The following ZFAT variants were observed in gnomAD, a reference collection of about 807,000 sequenced individuals.
The protein encoded by ZFAT is zinc finger protein ZFAT.
In ZFAT, 64 loss-of-function variants were observed where a neutral mutation model predicts 117.7. The ratio of observed to expected loss-of-function variants is 0.54; its 90% CI spans 0.44 to 0.67. The LOEUF is 0.67. Among genes scored for constraint, ZFAT ranks in the 30% least tolerant of loss-of-function variants. ZFAT has a pLI of 0.00. For missense variants in ZFAT, 1,433 were observed against 1,584.5 expected (o/e 0.90, Z 1.62); for synonymous variants, 679 against 615.0 (o/e 1.10, Z -1.54).
chr8:134,705,707 T>C (rs1291745866), intron 1 of ZFAT, among the ~76,000 whole-genome samples: 3 of 151,928 alleles, frequency 2.0e-5, no homozygotes, highest in Non-Finnish European at 2.9e-5. Flanking sequence ...TTTTTTTTTT[T>C]TTCTAAGTTT....
At chr8:134,623,638 C>T (rs1167699441) in intron 3 of ZFAT, among the ~76,000 whole-genome samples, 2 of 152,158 alleles carry the variant, frequency 1.3e-5, no homozygotes, top group Non-Finnish European at 2.9e-5. Context: ...CACAATATGT[C>T]CCCTTATTTC....
rs961685906 is a variant in ZFAT, at chr8:134,637,432, G to A, written c.448+29C>T. The A allele has an allele frequency of 2.5e-6, 4 of 1,588,762 alleles. No homozygotes were observed. The African/African-American group carries it at 5.4e-5, about 21-fold the overall frequency. ...CAGATACACCTCTTCATAAGAAATT[G>A]ACATGTTCAGCCCTTTGGCAGCATT... On this transcript the variant is annotated intron_variant, in intron 3 of 15. Coordinates refer to ENST00000377838, the MANE Select transcript of ZFAT (RefSeq NM_020863.4).
At chr8:134,804,576 A>T in the ZFAT span, among the ~76,000 whole-genome samples, 1 of 152,194 alleles carries the variant, frequency 6.6e-6, no homozygotes, top group African/African-American at 2.4e-5. Flanking sequence ...ACTCCAGCCT[A>T]CTTGGAAAGG....
chr8:134,573,279 G>A (rs375308290), intron 10 of ZFAT, among the ~76,000 whole-genome samples: 7 of 152,026 alleles, frequency 4.6e-5, no homozygotes, highest in African/African-American at 9.7e-5. Flanking sequence ...GTGTGTGTAC[G>A]TGTTACTTTA....
At chr8:134,816,942 C>T in the ZFAT span, among the ~76,000 whole-genome samples, 3 of 150,654 alleles carry the variant, frequency 2.0e-5, no homozygotes, top group Non-Finnish European at 4.4e-5. Context: ...GATCATGCCA[C>T]CGCACTCCTG....
chr8:134,553,549 A>T lies in ZFAT; in HGVS notation c.2976+11784T>A, dbSNP rs111416776. Among the ~76,000 whole-genome samples, 825 of 152,348 alleles carry T rather than the reference A, an allele frequency of 5.4e-3. 6 individuals carry two copies. The highest frequency in any genetic ancestry group is 0.019 in the African/African-American group (793 of 41,590). ...GGTACATCATGAAAGAATGTGCCAC[A>T]TTAGTGGAATTAAGTGAATATGACT... On this transcript the variant is annotated intron_variant, in intron 11 of 15. Coordinates refer to ENST00000377838, the MANE Select transcript of ZFAT (RefSeq NM_020863.4).
At chr8:134,488,954 C>T (rs1817848943) in intron 15 of ZFAT, among the ~76,000 whole-genome samples, 1 of 119,218 alleles carries the variant, frequency 8.4e-6, no homozygotes, top group Non-Finnish European at 1.6e-5. Flanking sequence ...GAGCACAGAA[C>T]AAGATGCAAT....
the ZFAT span, among the ~76,000 whole-genome samples, chr8:134,728,562 C>T: frequency 7.9e-5 from 12 of 152,212 alleles, no homozygotes; most frequent in African/African-American, 2.9e-4. Context: ...AGGGTGTGAG[C>T]ATGCTGGGCT....
chr8:134,571,502 G>A (rs1824898870), intron 10 of ZFAT, among the ~76,000 whole-genome samples: 2 of 152,212 alleles, frequency 1.3e-5, no homozygotes, highest in African/African-American at 2.4e-5. Context: ...TCTGTCAGCT[G>A]CAACCAAGAG....
intron 1 of ZFAT, among the ~76,000 whole-genome samples, chr8:134,695,399 G>A (rs1833778003): frequency 6.7e-6 from 1 of 148,152 alleles, no homozygotes; most frequent in African/African-American, 2.6e-5. Flanking sequence ...AGGATGCGCC[G>A]CCCCCAGGCC....
chr8:134,724,284 C>T, the ZFAT span, among the ~76,000 whole-genome samples: 4 of 152,154 alleles, frequency 2.6e-5, no homozygotes, highest in African/African-American at 9.7e-5. Context: ...GCTCCAAGCC[C>T]AGTCAAGGCA....
the ZFAT span, among the ~76,000 whole-genome samples, chr8:134,782,754 C>T: frequency 1.1e-4 from 16 of 152,088 alleles, no homozygotes; most frequent in Non-Finnish European, 1.6e-4. Context: ...GCCTCCCCAG[C>T]CACGTGGAAC....
chr8:134,794,766 A>G, the ZFAT span: 2 of 152,280 alleles, frequency 1.3e-5, no homozygotes, highest in Non-Finnish European at 2.9e-5. Flanking sequence ...ACACACGTTA[A>G]TTAACTTAAA....
At position 134,601,517 on chromosome 8, in the gene ZFAT, C is replaced by A. The variant is rs1489360147; in HGVS notation, c.2202G>T (p.Arg734=). The A allele has an allele frequency of 5.6e-6, 9 of 1,613,942 alleles. No homozygotes were observed. Among genetic ancestry groups the A allele is most frequent in the Non-Finnish European group, 5.9e-6 (7 of 1,179,932 alleles). The change falls in exon 6 of 16, where the codon CGG becomes CGT. Residue 734 remains arginine, a synonymous_variant. Coordinates refer to ENST00000377838, the MANE Select transcript of ZFAT (RefSeq NM_020863.4). Reference sequence around the variant, plus strand: ...CCAGGTCTCCATAAACCTTCCGGATCCGCTCACACAAGCTGGTGTTCATTT... The same window carrying A: ...CCAGGTCTCCATAAACCTTCCGGATACGCTCACACAAGCTGGTGTTCATTT... ...KKQMNTSLCE[R]IRKVYGDLEC...
chr8:134,646,757 A>C (rs973473821), intron 2 of ZFAT, among the ~76,000 whole-genome samples: 2 of 152,182 alleles, frequency 1.3e-5, no homozygotes, highest in Non-Finnish European at 2.9e-5. Flanking sequence ...ATCATAAAAG[A>C]CTACTATCAA....
At chr8:134,716,302 A>C (rs180959988), upstream of ZFAT, among the ~76,000 whole-genome samples, 84 of 152,312 alleles carry the variant, frequency 5.5e-4, no homozygotes, top group African/African-American at 1.9e-3. Flanking sequence ...ACATTGTAGA[A>C]AATAATCCAC....
intron 3 of ZFAT, among the ~76,000 whole-genome samples, chr8:134,613,584 T>C (rs1828503992): frequency 6.6e-6 from 1 of 152,080 alleles, no homozygotes; most frequent in Non-Finnish European, 1.5e-5. Flanking sequence ...GGGGTGTGCA[T>C]TGTTGGTATC....
intron 2 of ZFAT, among the ~76,000 whole-genome samples, chr8:134,654,833 A>G (rs1191942983): frequency 1.3e-5 from 2 of 152,240 alleles, no homozygotes; most frequent in African/African-American, 4.8e-5. Context: ...GAACAGCCCA[A>G]ATCCCTTCTT....
chr8:134,816,508 TAAC>T, the ZFAT span, among the ~76,000 whole-genome samples: 20 of 151,610 alleles, frequency 1.3e-4, no homozygotes, highest in African/African-American at 3.9e-4. Flanking sequence ...AGAGATTAAG[TAAC>T]AACATTAGGA....
Sources: gnomAD v4.1 joint callset for allele counts (sites outside exome capture counted in the v4.1 genomes callset) on GRCh38, gnomAD v4.1.1 for gene constraint, MANE v1.5 for transcripts, NCBI Gene and HGNC (gene_info 2026-07-23, HGNC 2026-07-21) for gene names.